LRRC4C: variants seen among roughly 807,000 people sequenced by gnomAD.
The protein encoded by LRRC4C is leucine-rich repeat-containing protein 4C.
Under a neutral mutation model 33.6 loss-of-function variants are expected in LRRC4C, and 5 were observed. The observed-to-expected ratio is 0.15, with a 90% CI of 0.08 to 0.31. LRRC4C has a LOEUF of 0.31. Ranked by LOEUF, LRRC4C falls within the 10% of genes least tolerant of loss-of-function variation. The pLI is 1.00. For synonymous variants in LRRC4C, 329 were observed against 302.0 expected, an observed-to-expected ratio of 1.09 and a Z score of -0.93; for missense variants, 560 against 796.7, an observed-to-expected ratio of 0.70 and a Z score of 3.58.
intron 3 of LRRC4C, among the ~76,000 whole-genome samples, chr11:40,485,414 G>A (rs1590882918): frequency 6.6e-6 from 1 of 151,658 alleles, no homozygotes; most frequent in Non-Finnish European, 1.5e-5. Context: ...TGTTTATTCT[G>A]TTTTTTCTTT....
chr11:40,770,557 T>C (rs1949705680), intron 2 of LRRC4C, among the ~76,000 whole-genome samples: 1 of 152,198 alleles, frequency 6.6e-6, no homozygotes, highest in Non-Finnish European at 1.5e-5. Flanking sequence ...GTTCCTCAAC[T>C]TCTTAACTCA....
At position 41,376,502 on chromosome 11, in the gene LRRC4C, A is replaced by G. The variant is rs745602603; in HGVS notation, c.-496+82929T>C. ...AGTGATTATCCTATCTCCAACAGAA[A>G]TAATGATTGTAAAATTTGGTTAATG... On this transcript the variant is annotated intron_variant, in intron 1 of 6. Coordinates refer to ENST00000528697, the MANE Select transcript of LRRC4C (RefSeq NM_001258419.2). Among the ~76,000 whole-genome samples, 86 of 152,222 alleles carry G rather than the reference A, an allele frequency of 5.6e-4. 1 individual carries two copies. Among genetic ancestry groups the G allele is most frequent in the Non-Finnish European group, 4.3e-4 (29 of 68,042 alleles).
At chr11:41,227,343 G>C (rs1298461821) in intron 1 of LRRC4C, among the ~76,000 whole-genome samples, 2 of 152,028 alleles carry the variant, frequency 1.3e-5, no homozygotes, top group Non-Finnish European at 2.9e-5. Flanking sequence ...TATAGAGTAA[G>C]TACAATATAT....
chr11:40,380,432 A>T (rs534872185), intron 3 of LRRC4C, among the ~76,000 whole-genome samples: 1 of 152,314 alleles, frequency 6.6e-6, no homozygotes, highest in East Asian at 1.9e-4. Context: ...TAAGCTATAT[A>T]ATATAGTGGT....
intron 2 of LRRC4C, among the ~76,000 whole-genome samples, chr11:40,905,722 G>T (rs1399019226): frequency 6.6e-6 from 1 of 152,166 alleles, no homozygotes; most frequent in Non-Finnish European, 1.5e-5. Context: ...CCTGAGCAGG[G>T]CCTTATTCCT....
intron 2 of LRRC4C, among the ~76,000 whole-genome samples, chr11:40,780,215 A>G (rs756843504): frequency 6.6e-6 from 1 of 152,166 alleles, no homozygotes; most frequent in Non-Finnish European, 1.5e-5. Flanking sequence ...ATTCTTTTTA[A>G]TGCCCTGGTA....
At chr11:41,001,804 A>C (rs1303051001) in intron 1 of LRRC4C, among the ~76,000 whole-genome samples, 2 of 151,910 alleles carry the variant, frequency 1.3e-5, no homozygotes, top group Non-Finnish European at 2.9e-5. Context: ...TTTGAATCTC[A>C]TTCCAAGGTT....
intron 1 of LRRC4C, among the ~76,000 whole-genome samples, chr11:41,451,764 G>T (rs1445112035): frequency 6.6e-6 from 1 of 152,090 alleles, no homozygotes; most frequent in African/African-American, 2.4e-5. Context: ...AATCAGAACA[G>T]GTTGACTGAT....
chr11:40,418,087 A>G (rs981160560), intron 3 of LRRC4C, among the ~76,000 whole-genome samples: 10 of 152,226 alleles, frequency 6.6e-5, no homozygotes, highest in Non-Finnish European at 1.5e-4. Flanking sequence ...TTCCACTAGT[A>G]AAAACCAGTC....
intron 3 of LRRC4C, among the ~76,000 whole-genome samples, chr11:40,392,217 G>T (rs1949364995): frequency 1.3e-5 from 2 of 152,120 alleles, no homozygotes; most frequent in Non-Finnish European, 2.9e-5. Flanking sequence ...AAACTATTCT[G>T]TATGATACTC....
chr11:41,425,181 G>T (rs1954998396), intron 1 of LRRC4C, among the ~76,000 whole-genome samples: 2 of 151,920 alleles, frequency 1.3e-5, no homozygotes, highest in Admixed American at 6.6e-5. Context: ...TTTCATTAAG[G>T]GGCTCGGTGC....
intron 3 of LRRC4C, among the ~76,000 whole-genome samples, chr11:40,429,575 A>C (rs1423120335): frequency 6.6e-6 from 1 of 151,812 alleles, no homozygotes; most frequent in Admixed American, 6.6e-5. Flanking sequence ...TAATAAAAAA[A>C]AAACAAAACA....
chr11:40,889,143 T>TGC (rs1955587556), intron 2 of LRRC4C, among the ~76,000 whole-genome samples: 1 of 152,056 alleles, frequency 6.6e-6, no homozygotes, highest in South Asian at 2.1e-4. Context: ...GCATGTTCAT[T>TGC]GCAGCATTAA....
intron 1 of LRRC4C, among the ~76,000 whole-genome samples, chr11:40,959,973 T>G (rs1850865059): frequency 6.6e-6 from 1 of 151,710 alleles, no homozygotes; most frequent in East Asian, 1.9e-4. Flanking sequence ...TGATAGTAAT[T>G]CTACTTTAAA....
intron 5 of LRRC4C, among the ~76,000 whole-genome samples, chr11:40,227,765 A>T (rs1459694912): frequency 6.6e-6 from 1 of 152,208 alleles, no homozygotes; most frequent in African/African-American, 2.4e-5. Flanking sequence ...AGAAAATCAC[A>T]GATTCCTAAA....
chr11:40,649,886 C>T (rs1017221271), intron 2 of LRRC4C, among the ~76,000 whole-genome samples: 1 of 152,170 alleles, frequency 6.6e-6, no homozygotes, highest in African/African-American at 2.4e-5. Context: ...TGACTTCCCA[C>T]AACAAATTGT....
intron 3 of LRRC4C, among the ~76,000 whole-genome samples, chr11:40,360,937 T>G (rs959192527): frequency 6.6e-6 from 1 of 152,130 alleles, no homozygotes; most frequent in African/African-American, 2.4e-5. Context: ...GCAAGTTTCG[T>G]TCAACATATG....
intron 3 of LRRC4C, among the ~76,000 whole-genome samples, chr11:40,477,989 T>G (rs911851886): frequency 6.6e-6 from 1 of 152,144 alleles, no homozygotes; most frequent in Non-Finnish European, 1.5e-5. Context: ...AAATGGGAGT[T>G]TCCCTGCACA....
chr11:40,478,860 TAGG>T (rs773772724), intron 3 of LRRC4C, among the ~76,000 whole-genome samples: 8 of 152,170 alleles, frequency 5.3e-5, no homozygotes, highest in Non-Finnish European at 1.0e-4. Context: ...AAATCTGCAT[TAGG>T]AGGTTTTTGA....
Sources: gnomAD v4.1 joint callset for allele counts (sites outside exome capture counted in the v4.1 genomes callset) on GRCh38, gnomAD v4.1.1 for gene constraint, MANE v1.5 for transcripts, NCBI Gene and HGNC (gene_info 2026-07-23, HGNC 2026-07-21) for gene names.